The following XRCC4 variants were observed in gnomAD, a reference collection of about 807,000 sequenced individuals.
XRCC4 encodes the protein X-ray repair cross complementing 4.
XRCC4 carries 28 observed loss-of-function variants against 39.1 expected under a neutral mutation model. That is an observed-to-expected ratio of 0.72 (90% CI 0.53 to 0.98). The LOEUF is 0.98. Ranked by LOEUF, XRCC4 falls within the 50% of genes least tolerant of loss-of-function variation. The pLI, the probability that XRCC4 is intolerant of heterozygous loss-of-function variation, is 0.00. For missense variants in XRCC4, 350 were observed against 376.4 expected, an observed-to-expected ratio of 0.93 and a Z score of 0.58; for synonymous variants, 123 against 126.4, an observed-to-expected ratio of 0.97 and a Z score of 0.18.
At chr5:83,242,505 G>A (rs139685808) in intron 6 of XRCC4, among the ~76,000 whole-genome samples, 1 of 151,878 alleles carries the variant, frequency 6.6e-6, no homozygotes, top group Non-Finnish European at 1.5e-5. Flanking sequence ...GAAAGTCGTG[G>A]TGTGATCATA....
At chr5:83,201,111 T>C (rs933198909) in intron 4 of XRCC4, 6 of 152,244 alleles carry the variant, frequency 3.9e-5, no homozygotes, top group African/African-American at 1.4e-4. Context: ...GGTGAATAGC[T>C]ATTAAATGAG....
At chr5:83,132,787 C>G (rs1747667273) in intron 3 of XRCC4, among the ~76,000 whole-genome samples, 1 of 152,166 alleles carries the variant, frequency 6.6e-6, no homozygotes, top group African/African-American at 2.4e-5. Flanking sequence ...TTCATCTCAT[C>G]TTTTTTCAAG....
intron 7 of XRCC4, among the ~76,000 whole-genome samples, chr5:83,300,949 AT>A (rs1285937222): frequency 1.3e-5 from 2 of 152,098 alleles, no homozygotes. Flanking sequence ...CATGGTGTAT[AT>A]GTGCCACATT....
chr5:83,202,696 A>G (rs1343429229), intron 4 of XRCC4, among the ~76,000 whole-genome samples: 1 of 152,134 alleles, frequency 6.6e-6, no homozygotes, highest in African/African-American at 2.4e-5. Context: ...AAGCAGTATG[A>G]AACAACATTG....
rs1372328710 is a variant in XRCC4 at position 83,263,876 on chromosome 5, T to C, written c.893+5199T>C. Among the ~76,000 whole-genome samples the C allele has an allele frequency of 2.6e-5, 4 of 151,906 alleles. 1 individual carries two copies. The highest frequency in any genetic ancestry group is 2.6e-4 in the Admixed American group (4 of 15,246). On this transcript the variant is annotated intron_variant, in intron 7 of 7. Transcript: ENST00000396027. ...TAGATCCCATTTGTCAATTTTGGCT[T>C]TTGTTGCCATTGCTTTTGGTGTTTT...
chr5:83,121,012 C>T (rs1236729915), intron 3 of XRCC4, among the ~76,000 whole-genome samples: 2 of 152,222 alleles, frequency 1.3e-5, no homozygotes, highest in Admixed American at 1.3e-4. Context: ...GATTGGTTTA[C>T]ATTATCCATA....
chr5:83,220,097 G>A (rs1363342545), intron 6 of XRCC4, among the ~76,000 whole-genome samples: 2 of 152,042 alleles, frequency 1.3e-5, no homozygotes, highest in Non-Finnish European at 2.9e-5. Context: ...GGGTATAATT[G>A]AGTATTTTTA....
At chr5:83,098,563 C>T (rs947161653) in intron 1 of XRCC4, among the ~76,000 whole-genome samples, 1 of 151,838 alleles carries the variant, frequency 6.6e-6, no homozygotes, top group African/African-American at 2.4e-5. Context: ...AAATCTAACT[C>T]AAAAATATTA....
chr5:83,306,365 A>G (rs1434501693), intron 7 of XRCC4, among the ~76,000 whole-genome samples: 1 of 152,204 alleles, frequency 6.6e-6, no homozygotes, highest in Non-Finnish European at 1.5e-5. Context: ...TCTCACTTCA[A>G]ATACAAAGAG....
chr5:83,082,647 A>G (rs1744999738), intron 1 of XRCC4, among the ~76,000 whole-genome samples: 1 of 152,208 alleles, frequency 6.6e-6, no homozygotes, highest in Non-Finnish European at 1.5e-5. Context: ...TCCAACTTAC[A>G]GCTCACAGGC....
At chr5:83,198,168 TG>T (rs1244903505) in intron 4 of XRCC4, among the ~76,000 whole-genome samples, 1 of 152,090 alleles carries the variant, frequency 6.6e-6, no homozygotes, top group Non-Finnish European at 1.5e-5. Flanking sequence ...GTTGGGGCCA[TG>T]ATGTTAAGCC....
chr5:83,109,657 A>C (rs1746355184), intron 2 of XRCC4, among the ~76,000 whole-genome samples: 1 of 151,924 alleles, frequency 6.6e-6, no homozygotes, highest in South Asian at 2.1e-4. Context: ...AAAACCTCAG[A>C]CACCATGTTT....
At position 83,261,609 on chromosome 5, in the gene XRCC4, A is replaced by AT. The variant is rs67245313; in HGVS notation, c.893+2948dup. On this transcript the variant is annotated intron_variant, in intron 7 of 7. Coordinates refer to ENST00000396027, the MANE Select transcript of XRCC4 (RefSeq NM_003401.5). ...GAGTGGTCATAAGTACTATGGCTTA[A>AT]TTTTTTTTTTTTTTTTGTCTACAAG... Among the ~76,000 whole-genome samples, 386 of 129,582 alleles carry AT rather than the reference A, an allele frequency of 3.0e-3. 1 individual carries two copies. The highest frequency in any genetic ancestry group is 9.1e-3 in the African/African-American group (332 of 36,490). 85.0% of individuals were successfully genotyped at this position (129,582 alleles called of 152,430 possible).
chr5:83,124,811 G>A (rs1183394614), intron 3 of XRCC4, among the ~76,000 whole-genome samples: 2 of 152,174 alleles, frequency 1.3e-5, no homozygotes, highest in African/African-American at 4.8e-5. Flanking sequence ...TTTACCTTTC[G>A]CCCTTTTAGA....
chr5:83,311,303 G>C (rs445403), intron 7 of XRCC4, among the ~76,000 whole-genome samples: 111,804 of 151,526 alleles, frequency 0.74, 43,094 homozygotes, highest in Non-Finnish European at 0.85. Flanking sequence ...AGATCACCAG[G>C]GGACTATAAT....
chr5:83,133,292 G>A (rs1331113142), intron 3 of XRCC4, among the ~76,000 whole-genome samples: 3 of 152,078 alleles, frequency 2.0e-5, no homozygotes, highest in Admixed American at 6.6e-5. Context: ...GGTGTCAGTC[G>A]GCCCCTACTG....
downstream of XRCC4, among the ~76,000 whole-genome samples, chr5:83,358,502 A>G (rs1193869547): frequency 6.6e-6 from 1 of 152,128 alleles, no homozygotes; most frequent in Non-Finnish European, 1.5e-5. Context: ...TCTCACAAGC[A>G]GCTAAACTTT....
intron 7 of XRCC4, among the ~76,000 whole-genome samples, chr5:83,274,848 T>C (rs1012805889): frequency 2.6e-5 from 4 of 152,204 alleles, no homozygotes; most frequent in African/African-American, 4.8e-5. Context: ...GTCTTTAAAT[T>C]TTATTCAAAG....
intron 7 of XRCC4, among the ~76,000 whole-genome samples, chr5:83,347,585 T>C (rs1756954279): frequency 6.6e-6 from 1 of 152,108 alleles, no homozygotes; most frequent in African/African-American, 2.4e-5. Flanking sequence ...CATGATCCAG[T>C]CACTTCCCAC....
Sources: allele counts gnomAD v4.1 joint callset (sites outside exome capture counted in the v4.1 genomes callset), GRCh38; gene constraint gnomAD v4.1.1; transcripts MANE v1.5; gene names NCBI Gene and HGNC (gene_info 2026-07-23, HGNC 2026-07-21).